Variants in HIVEP1 observed in about 807,000 individuals in gnomAD.
HIVEP1 encodes zinc finger protein 40.
HIVEP1 carries 36 observed loss-of-function variants against 180.0 expected under a neutral mutation model. The ratio of observed to expected loss-of-function variants is 0.20; its 90% CI spans 0.15 to 0.26. The LOEUF is 0.26. HIVEP1 is among the 10% of genes least tolerant of loss of function. The probability of loss-of-function intolerance (pLI) is 1.00; values close to 1 mark genes in which losing one functional copy is unlikely to be tolerated. For missense variants in HIVEP1, 3,143 were observed against 3,268.7 expected, an observed-to-expected ratio of 0.96 and a Z score of 0.94; for synonymous variants, 1,239 against 1,239.0, an observed-to-expected ratio of 1.00 and a Z score of 0.00.
intron 2 of HIVEP1, among the ~76,000 whole-genome samples, chr6:12,045,082 C>T (rs1269692632): frequency 2.0e-5 from 3 of 152,210 alleles, no homozygotes; most frequent in African/African-American, 7.2e-5. Flanking sequence ...ATGAGATCAC[C>T]AGGGTGATGA....
At chr6:12,048,128 G>C (rs1003438638) in intron 2 of HIVEP1, among the ~76,000 whole-genome samples, 1 of 152,186 alleles carries the variant, frequency 6.6e-6, no homozygotes, top group Non-Finnish European at 1.5e-5. Flanking sequence ...TGTTAAGCGG[G>C]CATCTCCATT....
chr6:12,115,064 C>T (rs575164963), intron 3 of HIVEP1, among the ~76,000 whole-genome samples: 2 of 152,278 alleles, frequency 1.3e-5, no homozygotes, highest in South Asian at 2.1e-4. Flanking sequence ...TTTAAGCACA[C>T]TCTGAGCTGT....
chr6:12,013,753 C>G (rs1302427510), intron 1 of HIVEP1, among the ~76,000 whole-genome samples: 1 of 152,156 alleles, frequency 6.6e-6, no homozygotes, highest in African/African-American at 2.4e-5. Flanking sequence ...TTCTTTAGAG[C>G]AAGGAGCTGA....
At chr6:12,092,894 T>C (rs935551205) in intron 3 of HIVEP1, among the ~76,000 whole-genome samples, 1 of 152,196 alleles carries the variant, frequency 6.6e-6, no homozygotes, top group Admixed American at 6.5e-5. Context: ...AGCAAGCTCG[T>C]ACAGGCTGAA....
chr6:12,145,276 CCAAA>C (rs2113629040), intron 7 of HIVEP1, among the ~76,000 whole-genome samples: 1 of 152,180 alleles, frequency 6.6e-6, no homozygotes, highest in African/African-American at 2.4e-5. Flanking sequence ...GGACAGAAAA[CCAAA>C]CACCGCATGT....
intron 2 of HIVEP1, among the ~76,000 whole-genome samples, chr6:12,018,539 A>G (rs1015210722): frequency 1.3e-5 from 2 of 152,270 alleles, no homozygotes; most frequent in African/African-American, 4.8e-5. Flanking sequence ...ATAGGTAAAC[A>G]TGTAACTATG....
intron 3 of HIVEP1, among the ~76,000 whole-genome samples, chr6:12,108,712 C>T (rs1357982227): frequency 1.3e-5 from 2 of 152,214 alleles, no homozygotes; most frequent in African/African-American, 4.8e-5. Context: ...CACGCCCACC[C>T]GGAGCTCCAG....
Position 12,157,057 on chromosome 6 carries a change from T to C in HIVEP1, c.6488-4382T>C, listed in dbSNP as rs182593709. 2.0e-5 allele frequency among the ~76,000 whole-genome samples: 3 copies of C among 152,352 alleles called. No homozygotes were observed. The East Asian group carries it at 5.8e-4, about 29-fold the overall frequency. On this transcript the variant is annotated intron_variant, in intron 7 of 8. Transcript: ENST00000379388. ...TGGGATGACCTATATCATTATGTAA[T>C]GCTCCTGTTTATCCTTCATAATATT...
rs1339026034 is a variant in HIVEP1, at chr6:12,121,394, C to T, written c.1599C>T (p.Phe533=). The T allele has an allele frequency of 2.5e-6, 4 of 1,614,028 alleles. No homozygotes were observed. In the Admixed American group the frequency reaches 5.0e-5, roughly 20 times the overall value. The change falls in exon 4 of 9, where the codon TTC becomes TTT. Residue 533 remains phenylalanine, a synonymous_variant. Coordinates refer to ENST00000379388, the MANE Select transcript of HIVEP1 (RefSeq NM_002114.4). This position sits in a 1 kb window ranked among gnomAD's most constrained non-coding sequence, Gnocchi z 5.3. ...SNAETLLKSS[F]TPSSPENVIG... ...CTGAAACTTTACTAAAATCAAGCTTCACTCCAAGCAGTCCAGAAAATGTGA... is the reference window on the plus strand; with the variant it reads ...CTGAAACTTTACTAAAATCAAGCTTTACTCCAAGCAGTCCAGAAAATGTGA...
chr6:12,050,564 C>T (rs980136017), intron 2 of HIVEP1, among the ~76,000 whole-genome samples: 1 of 150,348 alleles, frequency 6.7e-6, no homozygotes, highest in Non-Finnish European at 1.5e-5. Context: ...CCAGCCTGGG[C>T]GACAGAGAGA....
intron 7 of HIVEP1, among the ~76,000 whole-genome samples, chr6:12,148,282 CT>C (rs1759490864): frequency 1.3e-5 from 2 of 152,172 alleles, no homozygotes; most frequent in Non-Finnish European, 2.9e-5. Flanking sequence ...TGGTTCCCCC[CT>C]GCATCCTCTT....
intron 2 of HIVEP1, among the ~76,000 whole-genome samples, chr6:12,056,758 C>G (rs1193920709): frequency 6.6e-6 from 1 of 152,056 alleles, no homozygotes; most frequent in Non-Finnish European, 1.5e-5. Context: ...GTTAGCTTCT[C>G]AGACATTGTT....
intron 7 of HIVEP1, among the ~76,000 whole-genome samples, chr6:12,145,284 C>T (rs894815880): frequency 8.6e-5 from 13 of 152,026 alleles, no homozygotes; most frequent in African/African-American, 3.1e-4. Flanking sequence ...AACCAAACAC[C>T]GCATGTTCTC....
chr6:12,148,309 CT>C (rs1447448582), intron 7 of HIVEP1, among the ~76,000 whole-genome samples: 4 of 152,186 alleles, frequency 2.6e-5, no homozygotes, highest in Admixed American at 2.0e-4. Context: ...CCCGATGCGT[CT>C]CCACCTCCCT....
chr6:12,157,669 A>G (rs1413644565), intron 7 of HIVEP1, among the ~76,000 whole-genome samples: 1 of 152,184 alleles, frequency 6.6e-6, no homozygotes, highest in Non-Finnish European at 1.5e-5. Flanking sequence ...AGCAATTAAA[A>G]AATAAGAAAA....
At chr6:12,155,374 C>G (rs1759970153) in intron 7 of HIVEP1, among the ~76,000 whole-genome samples, 1 of 152,110 alleles carries the variant, frequency 6.6e-6, no homozygotes, top group African/African-American at 2.4e-5. Context: ...GTATTAAGCC[C>G]AGCATTTCTT....
chr6:12,167,730 A>ACATAGC (rs149208442), downstream of HIVEP1, among the ~76,000 whole-genome samples: 82 of 115,112 alleles, frequency 7.1e-4, no homozygotes, highest in Admixed American at 1.4e-3. Context: ...ATATACATAT[A>ACATAGC]TACATGTGTA....
At chr6:12,031,857 A>G (rs1268233533) in intron 2 of HIVEP1, among the ~76,000 whole-genome samples, 2 of 152,090 alleles carry the variant, frequency 1.3e-5, no homozygotes, top group Non-Finnish European at 2.9e-5. Flanking sequence ...TGCATTTCCT[A>G]TGAATGTGTA....
intron 3 of HIVEP1, among the ~76,000 whole-genome samples, chr6:12,113,286 G>GT (rs770598002): frequency 1.1e-4 from 16 of 151,466 alleles, no homozygotes; most frequent in Admixed American, 3.3e-4. Flanking sequence ...CAGCCCAGAG[G>GT]TAACACTGGT....
Sources: allele counts gnomAD v4.1 joint callset (sites outside exome capture counted in the v4.1 genomes callset), GRCh38; gene constraint gnomAD v4.1.1; non-coding constraint Gnocchi (gnomAD v3.1); transcripts MANE v1.5; gene names NCBI Gene and HGNC (gene_info 2026-07-23, HGNC 2026-07-21).